The following VMP1 variants were observed in gnomAD, a reference collection of about 807,000 sequenced individuals.
VMP1 encodes ectopic P-granules autophagy protein 3 homolog.
A neutral mutation model predicts 56.0 loss-of-function variants in VMP1; 11 were observed. The observed-to-expected ratio is 0.20, with a 90% CI of 0.12 to 0.32. VMP1 has a LOEUF of 0.32. Among genes scored for constraint, VMP1 ranks in the 10% least tolerant of loss-of-function variants. The probability of loss-of-function intolerance (pLI) is 1.00; values close to 1 mark genes in which losing one functional copy is unlikely to be tolerated. For missense variants in VMP1, 296 were observed against 490.3 expected (o/e 0.60, Z 3.74); for synonymous variants, 149 against 165.0 (o/e 0.90, Z 0.74).
At chr17:59,717,221 C>T (rs1203393928) in intron 1 of VMP1, among the ~76,000 whole-genome samples, 1 of 152,116 alleles carries the variant, frequency 6.6e-6, no homozygotes, top group African/African-American at 2.4e-5. Flanking sequence ...CCGCCCGCTT[C>T]GGCCTCCCAA....
chr17:59,807,280 C>T (rs1040581305), intron 7 of VMP1, among the ~76,000 whole-genome samples: 4 of 150,302 alleles, frequency 2.7e-5, no homozygotes, highest in Non-Finnish European at 5.9e-5. Context: ...TCACTGCAAA[C>T]TCTGCCTCCC....
intron 1 of VMP1, among the ~76,000 whole-genome samples, chr17:59,711,575 A>G (rs938999822): frequency 2.0e-5 from 3 of 152,198 alleles, no homozygotes; most frequent in African/African-American, 7.2e-5. Flanking sequence ...TCCTTATTTT[A>G]TATGGGAAAG....
Position 59,838,483 on chromosome 17 carries a change from A to G in VMP1, c.1077+86A>G, listed in dbSNP as rs902020940. On this transcript the variant is annotated intron_variant, in intron 11 of 11. Transcript: ENST00000262291. ...CAGCTCTCACTCACATTTTTAGGCA[A>G]ATAAGTGAAGTTGGTTTGCCAGTGT... is the stretch of plus-strand genomic sequence containing the variant. 11 of 1,392,364 alleles carry G rather than the reference A, an allele frequency of 7.9e-6. No individual in the cohort carries two copies. In the African/African-American group the frequency reaches 9.9e-5, roughly 13 times the overall value. The allele number at this position is 1,392,364 out of a possible 1,614,324, so 86.3% of individuals were successfully genotyped here.
intron 6 of VMP1, among the ~76,000 whole-genome samples, chr17:59,771,680 C>T (rs1209357559): frequency 6.8e-6 from 1 of 146,524 alleles, no homozygotes; most frequent in African/African-American, 2.5e-5. Flanking sequence ...GATCACAGCT[C>T]ATGGCAGCCT....
chr17:59,734,382 G>A lies in VMP1; in HGVS notation c.77-956G>A, dbSNP rs545751919. On this transcript the variant is annotated intron_variant, in intron 2 of 11. Coordinates refer to ENST00000262291, the MANE Select transcript of VMP1 (RefSeq NM_030938.5). ...AACAAAGGGATGAATCAGGTCTTAG[G>A]CTGGATGGAGCAGGACTGGCAAGAT... 3.9e-5 allele frequency among the ~76,000 whole-genome samples: 6 copies of A among 152,272 alleles called. No individual in the cohort carries two copies. In the South Asian group the frequency reaches 1.2e-3, roughly 32 times the overall value.
intron 10 of VMP1, among the ~76,000 whole-genome samples, chr17:59,828,074 A>G (rs1000223761): frequency 2.0e-5 from 3 of 151,792 alleles, no homozygotes; most frequent in African/African-American, 7.3e-5. Context: ...TATAAATGCA[A>G]TCAGTTGATT....
intron 1 of VMP1, among the ~76,000 whole-genome samples, chr17:59,714,017 C>T (rs189338181): frequency 3.6e-5 from 5 of 139,770 alleles, no homozygotes; most frequent in Non-Finnish European, 1.5e-5. Flanking sequence ...CTCCAACCTG[C>T]GCAACTGAGC....
At chr17:59,802,178 C>T (rs2037694320) in intron 7 of VMP1, among the ~76,000 whole-genome samples, 2 of 151,726 alleles carry the variant, frequency 1.3e-5, no homozygotes, top group African/African-American at 4.8e-5. Context: ...CCAGCCTGGG[C>T]GACAGAGCGA....
At chr17:59,745,443 G>A (rs1366332135) in intron 5 of VMP1, among the ~76,000 whole-genome samples, 1 of 152,132 alleles carries the variant, frequency 6.6e-6, no homozygotes, top group African/African-American at 2.4e-5. Flanking sequence ...TAAGAAACCA[G>A]AAGCAAAGCA....
chr17:59,787,814 T>C (rs2037058653), intron 7 of VMP1, among the ~76,000 whole-genome samples: 1 of 151,964 alleles, frequency 6.6e-6, no homozygotes, highest in African/African-American at 2.4e-5. Context: ...GAGTGAACTT[T>C]GTCTCAAAAA....
chr17:59,752,936 A>C (rs191895324), intron 5 of VMP1, among the ~76,000 whole-genome samples: 1 of 152,220 alleles, frequency 6.6e-6, no homozygotes. Flanking sequence ...ATACTATAAC[A>C]ACATATTGTA....
At chr17:59,759,956 T>C (rs1019077875) in intron 5 of VMP1, among the ~76,000 whole-genome samples, 1 of 150,222 alleles carries the variant, frequency 6.7e-6, no homozygotes, top group Non-Finnish European at 1.5e-5. Context: ...TTGTTCTACT[T>C]CTTTTAAAAT....
intron 1 of VMP1, among the ~76,000 whole-genome samples, chr17:59,718,452 T>C (rs987671767): frequency 4.6e-5 from 7 of 151,976 alleles, no homozygotes; most frequent in Non-Finnish European, 8.8e-5. Flanking sequence ...CGCCTCGGCC[T>C]CCCAAAGTGC....
At chr17:59,726,565 AT>A (rs1236650479) in intron 1 of VMP1, among the ~76,000 whole-genome samples, 1 of 152,232 alleles carries the variant, frequency 6.6e-6, no homozygotes, top group African/African-American at 2.4e-5. Flanking sequence ...AAGTGCTGGG[AT>A]TACAGGCATG....
intron 7 of VMP1, among the ~76,000 whole-genome samples, chr17:59,781,860 T>G (rs2144075467): frequency 6.6e-6 from 1 of 152,340 alleles, no homozygotes; most frequent in South Asian, 2.1e-4. Flanking sequence ...CTGCCAGTAT[T>G]ATTCCTTATT....
chr17:59,719,316 C>CACAAACAA (rs3064258), intron 1 of VMP1, among the ~76,000 whole-genome samples: 87,579 of 150,442 alleles, frequency 0.58, 25,606 homozygotes, highest in Middle Eastern at 0.63. Context: ...AAGACCCTGT[C>CACAAACAA]ACAAACAAAC....
intron 5 of VMP1, among the ~76,000 whole-genome samples, chr17:59,747,692 T>C (rs1393193495): frequency 2.0e-5 from 3 of 150,940 alleles, no homozygotes; most frequent in Admixed American, 6.6e-5. Context: ...ATTACAGACA[T>C]GAGCCACAGT....
chr17:59,720,817 C>CA (rs1484250219), intron 1 of VMP1, among the ~76,000 whole-genome samples: 20 of 151,258 alleles, frequency 1.3e-4, no homozygotes, highest in South Asian at 6.3e-4. Flanking sequence ...CTACTAAATA[C>CA]AAAACATTAG....
At chr17:59,797,830 G>A (rs1426395362) in intron 7 of VMP1, among the ~76,000 whole-genome samples, 1 of 152,246 alleles carries the variant, frequency 6.6e-6, no homozygotes, top group Non-Finnish European at 1.5e-5. Flanking sequence ...AGTGAGCTAA[G>A]ATCGCACCAT....
Sources: allele counts gnomAD v4.1 joint callset (sites outside exome capture counted in the v4.1 genomes callset), GRCh38; gene constraint gnomAD v4.1.1; transcripts MANE v1.5; gene names NCBI Gene and HGNC (gene_info 2026-07-23, HGNC 2026-07-21).